DHX35: variants seen among roughly 807,000 people sequenced by gnomAD.
The protein encoded by DHX35 is DEAH-box helicase 35.
DHX35 carries 84 observed loss-of-function variants against 99.6 expected under a neutral mutation model. The observed-to-expected ratio is 0.84, with a 90% CI of 0.71 to 1.01. The LOEUF (loss-of-function observed/expected upper bound fraction) is 1.01. Among genes scored for constraint, DHX35 ranks in the 50% least tolerant of loss-of-function variants. The pLI is 0.00. For missense variants in DHX35, 852 were observed against 888.5 expected, an observed-to-expected ratio of 0.96 and a Z score of 0.52; for synonymous variants, 331 against 316.2, an observed-to-expected ratio of 1.05 and a Z score of -0.50.
At chr20:39,008,127 A>G (rs542894996) in intron 12 of DHX35, among the ~76,000 whole-genome samples, 13 of 152,374 alleles carry the variant, frequency 8.5e-5, no homozygotes, top group African/African-American at 2.9e-4. Flanking sequence ...GATATTTCAT[A>G]TAAAAAGTCA....
At chr20:39,006,009 C>T in intron 11 of DHX35, 137 bp from the exon 12 acceptor site, 2 of 995,138 alleles carry the variant, frequency 2.0e-6, no homozygotes, top group Admixed American at 2.2e-5. Context: ...TGGAAACTCA[C>T]AGTCTTTCTA....
At chr20:38,991,685 A>G (rs546498067) in intron 6 of DHX35, among the ~76,000 whole-genome samples, 170 bp downstream of exon 6, 8 of 152,268 alleles carry the variant, frequency 5.3e-5, no homozygotes, top group African/African-American at 9.6e-5. Context: ...TTTAAATAGT[A>G]TGGCCCTTTA....
intron 11 of DHX35, among the ~76,000 whole-genome samples, chr20:39,005,730 A>C (rs2086605003): frequency 6.6e-6 from 1 of 152,212 alleles, no homozygotes; most frequent in Non-Finnish European, 1.5e-5. Flanking sequence ...GGCAAAGTGC[A>C]CACCCTCAGA....
intron 3 of DHX35, among the ~76,000 whole-genome samples, chr20:38,973,095 A>G (rs1448348640): frequency 6.6e-6 from 1 of 152,238 alleles, no homozygotes; most frequent in East Asian, 1.9e-4. Context: ...AGAAGGATCA[A>G]GAAAGGCCTT....
At chr20:38,997,816 A>G (rs2086454611) in intron 8 of DHX35, among the ~76,000 whole-genome samples, 1 of 152,092 alleles carries the variant, frequency 6.6e-6, no homozygotes, top group Admixed American at 6.6e-5. Context: ...AAGAATGAGG[A>G]CTATGTGGGA....
chr20:38,992,604 C>CTG lies in DHX35; in HGVS notation c.582+200_582+201dup, dbSNP rs10532229. Among the ~76,000 whole-genome samples, 1,381 of 148,830 alleles carry CTG rather than the reference C, an allele frequency of 9.3e-3. 4 individuals carry two copies. Among genetic ancestry groups the CTG allele is most frequent in the African/African-American group, 0.013 (544 of 40,676 alleles). On this transcript the variant is annotated intron_variant, in intron 7 of 21. Transcript: ENST00000252011. ...ATGTTGGTATATTTTCTTCTCTTTTCTGTGTGTGTGTGTGTGTGTGTGAGT... is the reference window on the plus strand; with the variant it reads ...ATGTTGGTATATTTTCTTCTCTTTTCTGTGTGTGTGTGTGTGTGTGTGTGAGT...
At chr20:39,004,878 G>A (rs2086587523) in intron 11 of DHX35, among the ~76,000 whole-genome samples, 1 of 152,150 alleles carries the variant, frequency 6.6e-6, no homozygotes, top group South Asian at 2.1e-4. Context: ...CCTGGAAGAG[G>A]GTGCTCAGCC....
At chr20:38,997,772 G>T (rs568997026) in intron 8 of DHX35, among the ~76,000 whole-genome samples, 64 of 152,252 alleles carry the variant, frequency 4.2e-4, no homozygotes, top group Non-Finnish European at 7.5e-4. Context: ...GTGAGTGAAA[G>T]AAAGAAAGAG....
At chr20:38,977,494 C>T (rs2086099531) in intron 3 of DHX35, among the ~76,000 whole-genome samples, 1 of 151,752 alleles carries the variant, frequency 6.6e-6, no homozygotes. Flanking sequence ...TTTTTGTCTC[C>T]CCACCATTTC....
rs751110426 is a variant in DHX35 at position 38,988,901 on chromosome 20, T to C, written c.434T>C (p.Leu145Pro). 1.2e-6 allele frequency: 2 copies of C among 1,613,128 alleles called. No homozygotes were observed. Among genetic ancestry groups the C allele is most frequent in the East Asian group, 2.2e-5 (1 of 44,828 alleles). The change falls in exon 5 of 22, where the codon CTG becomes CCG. Residue 145 changes from leucine to proline, a missense_variant. By Grantham distance (98) the Leu-to-Pro change is moderately conservative. Coordinates refer to ENST00000252011, the MANE Select transcript of DHX35 (RefSeq NM_021931.4). ...CGCTTTGATGACTGCACCGACCAGC[T>C]GGCCACGAGAATTAAGGTAAAGTGC... ...CIRFDDCTDQLATRIKFLTDG... is the reference protein window; with the variant it reads ...CIRFDDCTDQPATRIKFLTDG...
At chr20:39,031,482 G>A (rs1417947750) in intron 20 of DHX35, among the ~76,000 whole-genome samples, 3 of 152,082 alleles carry the variant, frequency 2.0e-5, no homozygotes, top group African/African-American at 7.2e-5. Flanking sequence ...GACTATAGAT[G>A]TGTGCAATCA....
At chr20:39,037,613 G>A (rs902459477) in intron 21 of DHX35, among the ~76,000 whole-genome samples, 2 of 152,174 alleles carry the variant, frequency 1.3e-5, no homozygotes, top group Non-Finnish European at 2.9e-5. Context: ...ACCAGCTCCG[G>A]AGCAGTCAGG....
chr20:39,018,978 G>A (rs2086831354), intron 15 of DHX35, 79 bp downstream of exon 15: 1 of 1,307,912 alleles, frequency 7.6e-7, no homozygotes, highest in Admixed American at 1.7e-5. Flanking sequence ...GAGCACCCTG[G>A]GGAAGAGGGT....
chr20:38,972,600 A>G lies in DHX35; in HGVS notation c.216A>G (p.Thr72=), dbSNP rs16987712. The G allele has an allele frequency of 0.18, 294,315 of 1,609,290 alleles. 27,690 individuals are homozygous for G. Among genetic ancestry groups the G allele is most frequent in the Middle Eastern group, 0.27 (1,658 of 6,050 alleles). Reference sequence around the variant, plus strand: ...TATACTTGATAGAAAATTATCAGACAGTGGTGATTGTTGGTGAAACAGGAT... The same window carrying G: ...TATACTTGATAGAAAATTATCAGACGGTGGTGATTGTTGGTGAAACAGGAT... ...HILYLIENYQ[T]VVIVGETGCG... The change falls in exon 3 of 22, where the codon ACA becomes ACG. Residue 72 remains threonine (T), a synonymous_variant. Transcript: ENST00000252011.
intron 4 of DHX35, among the ~76,000 whole-genome samples, chr20:38,984,703 G>C (rs1360130977): frequency 1.3e-5 from 2 of 152,118 alleles, no homozygotes; most frequent in Non-Finnish European, 2.9e-5. Flanking sequence ...ATTTGTTGTA[G>C]ATACAGTCCT....
At chr20:39,008,378 C>T (rs1182319519) in intron 12 of DHX35, among the ~76,000 whole-genome samples, 8 of 152,122 alleles carry the variant, frequency 5.3e-5, no homozygotes, top group African/African-American at 1.7e-4. Flanking sequence ...GTTTTTAATT[C>T]GTTTTGGCTA....
rs147187215 is a variant in DHX35 at position 39,012,045 on chromosome 20, C to T, written c.1347+1641C>T. Among the ~76,000 whole-genome samples, 907 of 152,190 alleles carry T rather than the reference C, an allele frequency of 6.0e-3. 11 individuals are homozygous for T. The highest frequency in any genetic ancestry group is 0.019 in the African/African-American group (776 of 41,538). The stretch of plus-strand genomic sequence containing the variant: ...GGTGGATCACTTGAGGTCCGGACTT[C>T]AAGACCAGCCTGGCCAACATGGTGA... On this transcript the variant is annotated intron_variant, in intron 13 of 21. Transcript: ENST00000252011.
At chr20:39,031,351 T>C (rs2087049098) in intron 20 of DHX35, among the ~76,000 whole-genome samples, 1 of 149,744 alleles carries the variant, frequency 6.7e-6, no homozygotes, top group African/African-American at 2.5e-5. Context: ...TTTTTTTTTT[T>C]GAGACAGAGT....
At chr20:39,001,075 G>A (rs2086512130) in intron 8 of DHX35, among the ~76,000 whole-genome samples, 1 of 152,152 alleles carries the variant, frequency 6.6e-6, no homozygotes, top group Non-Finnish European at 1.5e-5. Flanking sequence ...TAAATAGGAT[G>A]TGGACACCTG....
Sources: gnomAD v4.1 joint callset for allele counts (sites outside exome capture counted in the v4.1 genomes callset) on GRCh38, gnomAD v4.1.1 for gene constraint, MANE v1.5 for transcripts, NCBI Gene and HGNC (gene_info 2026-07-23, HGNC 2026-07-21) for gene names.